GRAMD2B: variants seen among roughly 807,000 people sequenced by gnomAD.
The protein encoded by GRAMD2B is GRAM domain-containing protein 2B.
A neutral mutation model predicts 59.2 loss-of-function variants in GRAMD2B; 41 were observed. That is an observed-to-expected ratio of 0.69 (90% CI 0.54 to 0.90). The LOEUF is 0.90. Among genes scored for constraint, GRAMD2B ranks in the 40% least tolerant of loss-of-function variants. The pLI is 0.00. For synonymous variants in GRAMD2B, 161 were observed against 182.7 expected, an observed-to-expected ratio of 0.88 and a Z score of 0.96; for missense variants, 424 against 500.5, an observed-to-expected ratio of 0.85 and a Z score of 1.46.
chr5:126,485,678 C>T lies in GRAMD2B; in HGVS notation c.971-8C>T. On this transcript the variant is annotated splice_region_variant and splice_polypyrimidine_tract_variant and intron_variant, in intron 10 of 13. Transcript: ENST00000285689. Reference sequence around the variant, plus strand: ...TTAAACAGTTGTTTTTTGTTTTCCTCCCAACAGGTCTGTCAGAAACTGTTG... The same window carrying T: ...TTAAACAGTTGTTTTTTGTTTTCCTTCCAACAGGTCTGTCAGAAACTGTTG... The T allele has an allele frequency of 6.3e-7, 1 of 1,595,290 alleles. No individual in the cohort carries two copies. Among genetic ancestry groups the T allele is most frequent in the Non-Finnish European group, 8.6e-7 (1 of 1,166,318 alleles).
chr5:126,383,607 AG>A (rs779368133), intron 1 of GRAMD2B, among the ~76,000 whole-genome samples: 5 of 152,158 alleles, frequency 3.3e-5, no homozygotes, highest in Non-Finnish European at 5.9e-5. Context: ...AGCAGGTAAC[AG>A]GAAAAAAAAA....
chr5:126,482,692 C>G (rs1331996059), intron 8 of GRAMD2B, among the ~76,000 whole-genome samples: 7 of 152,214 alleles, frequency 4.6e-5, no homozygotes, highest in Admixed American at 3.3e-4. Context: ...GAACAAAAGA[C>G]AGCTAGTTCA....
upstream of GRAMD2B, among the ~76,000 whole-genome samples, chr5:126,367,667 T>C (rs1296054219): frequency 6.6e-6 from 1 of 152,220 alleles, no homozygotes; most frequent in African/African-American, 2.4e-5. Context: ...CCTTGTTTCA[T>C]TGAAGAAAGA....
intron 1 of GRAMD2B, among the ~76,000 whole-genome samples, chr5:126,362,485 C>G (rs1446894897): frequency 6.6e-6 from 1 of 152,066 alleles, no homozygotes; most frequent in Non-Finnish European, 1.5e-5. Context: ...AAGTAAACAA[C>G]TACCTAGAAA....
Position 126,493,195 on chromosome 5 carries a change from A to C in GRAMD2B, c.*239A>C, listed in dbSNP as rs1392056276. ...ATTTTGCTGCTTTTGCCTGAAGAAA[A>C]CAGACCCATCTCTGGAGGTCTCAGG... On this transcript the variant is annotated 3_prime_UTR_variant, in exon 14 of 14. Transcript: ENST00000285689. 1.3e-5 allele frequency: 7 copies of C among 521,796 alleles called. No individual in the cohort carries two copies. The East Asian group carries it at 2.3e-4, about 17-fold the overall frequency. The allele number at this position is 521,796 out of a possible 1,614,324, so 32.3% of individuals were successfully genotyped here.
intron 1 of GRAMD2B, among the ~76,000 whole-genome samples, chr5:126,373,007 A>C (rs1285887277): frequency 6.6e-6 from 1 of 152,210 alleles, no homozygotes; most frequent in Non-Finnish European, 1.5e-5. Flanking sequence ...ATAGATAAAT[A>C]GAATAAAAGT....
intron 1 of GRAMD2B, among the ~76,000 whole-genome samples, chr5:126,365,782 T>C (rs1235676216): frequency 6.6e-6 from 1 of 152,108 alleles, no homozygotes; most frequent in Non-Finnish European, 1.5e-5. Flanking sequence ...CAACAGAAAG[T>C]TCTGCAAACA....
intron 1 of GRAMD2B, among the ~76,000 whole-genome samples, chr5:126,430,589 G>T (rs746894004): frequency 2.0e-5 from 3 of 151,976 alleles, no homozygotes; most frequent in Non-Finnish European, 4.4e-5. Flanking sequence ...CCTTTTCTGG[G>T]TATTTCGTAG....
chr5:126,419,049 T>C (rs532146551), upstream of GRAMD2B, among the ~76,000 whole-genome samples: 1 of 152,340 alleles, frequency 6.6e-6, no homozygotes, highest in East Asian at 1.9e-4. Context: ...TACTTACCTA[T>C]ACTTATATTG....
At chr5:126,394,048 G>A (rs1292839984) in intron 1 of GRAMD2B, among the ~76,000 whole-genome samples, 1 of 152,126 alleles carries the variant, frequency 6.6e-6, no homozygotes, top group East Asian at 1.9e-4. Context: ...GCCAAGGCGG[G>A]CAGATCACGA....
At chr5:126,483,615 C>T in intron 9 of GRAMD2B, 41 bp downstream of exon 9, 2 of 1,094,852 alleles carry the variant, frequency 1.8e-6, no homozygotes, top group East Asian at 2.4e-5. Context: ...TTTAATTCCC[C>T]TCAAAACATC....
At chr5:126,411,850 G>GTGTGTGTGTT (rs1758825543) in intron 1 of GRAMD2B, among the ~76,000 whole-genome samples, 1 of 151,502 alleles carries the variant, frequency 6.6e-6, no homozygotes, top group Admixed American at 6.6e-5. Context: ...TGGTGTGTGT[G>GTGTGTGTGTT]TGTGTGTGTG....
chr5:126,465,864 T>G (rs967415712), intron 2 of GRAMD2B, among the ~76,000 whole-genome samples: 7 of 151,980 alleles, frequency 4.6e-5, no homozygotes, highest in African/African-American at 1.7e-4. Flanking sequence ...CGGCCTTGGG[T>G]GTGCACACCT....
intron 1 of GRAMD2B, among the ~76,000 whole-genome samples, chr5:126,454,838 C>T (rs1270195344): frequency 2.6e-5 from 4 of 152,148 alleles, no homozygotes; most frequent in South Asian, 2.1e-4. Context: ...TGGCGGAACC[C>T]CTCCTCTGCA....
At chr5:126,415,360 T>C (rs1416440513) in intron 1 of GRAMD2B, among the ~76,000 whole-genome samples, 1 of 152,200 alleles carries the variant, frequency 6.6e-6, no homozygotes, top group Admixed American at 6.5e-5. Flanking sequence ...GTTCTGTAAA[T>C]ATCTGTTTAT....
At position 126,484,542 on chromosome 5, in the gene GRAMD2B, C is replaced by A; in HGVS notation, c.970+18C>A. On this transcript the variant is annotated intron_variant, in intron 10 of 13. Coordinates refer to ENST00000285689, the MANE Select transcript of GRAMD2B (RefSeq NM_023927.4). ...TGTACAGGGTAAGGAATGGATGTCT[C>A]AGGGGGGTGGGTTTAGAAGGATTGG... 1 of 1,596,856 alleles carries A rather than the reference C, an allele frequency of 6.3e-7. No individual in the cohort carries two copies. The highest frequency in any genetic ancestry group is 1.1e-5 in the South Asian group (1 of 87,590).
At chr5:126,460,375 A>G (rs1328855336) in intron 1 of GRAMD2B, among the ~76,000 whole-genome samples, 6 of 152,234 alleles carry the variant, frequency 3.9e-5, no homozygotes, top group African/African-American at 1.4e-4. Context: ...ATAAATATGT[A>G]GACAGATAAA....
At chr5:126,368,030 C>A (rs1170324693), upstream of GRAMD2B, among the ~76,000 whole-genome samples, 2 of 152,216 alleles carry the variant, frequency 1.3e-5, no homozygotes, top group Non-Finnish European at 2.9e-5. Flanking sequence ...GGATTACAGG[C>A]GTGAGCCACC....
chr5:126,473,228 A>C (rs1457667167), intron 4 of GRAMD2B, 37 bp from the exon 5 acceptor site: 5 of 762,058 alleles, frequency 6.6e-6, no homozygotes, highest in African/African-American at 1.8e-5. Context: ...TTAAGTGGAA[A>C]TTCTAAATGA....
Sources: gnomAD v4.1 joint callset for allele counts (sites outside exome capture counted in the v4.1 genomes callset) on GRCh38, gnomAD v4.1.1 for gene constraint, MANE v1.5 for transcripts, NCBI Gene and HGNC (gene_info 2026-07-23, HGNC 2026-07-21) for gene names.